DET1: variants seen among roughly 807,000 people sequenced by gnomAD.
DET1 encodes the protein DET1 homolog.
In DET1, 22 loss-of-function variants were observed where a neutral mutation model predicts 43.7. That is an observed-to-expected ratio of 0.50 (90% CI 0.36 to 0.72). The LOEUF is 0.72. Ranked by LOEUF, DET1 falls within the 30% of genes least tolerant of loss-of-function variation. DET1 has a pLI of 0.00. For synonymous variants in DET1, 315 were observed against 266.2 expected (o/e 1.18, Z -1.79); for missense variants, 713 against 713.3 (o/e 1.00, Z 0.00).
downstream of DET1, among the ~76,000 whole-genome samples, chr15:88,509,309 C>A (rs1441226339): frequency 2.6e-5 from 4 of 152,190 alleles, no homozygotes; most frequent in Non-Finnish European, 5.9e-5. Flanking sequence ...AGCCACCAAG[C>A]CTGGCCTACT....
Position 88,531,607 on chromosome 15 carries a change from AC to A in DET1, c.98del (p.Gly33ValfsTer82). On this transcript the variant is annotated frameshift_variant, in exon 2 of 5. Transcript: ENST00000268148. LOFTEE classifies it high-confidence loss of function. This position sits in a 1 kb window ranked among gnomAD's most constrained non-coding sequence, Gnocchi z 6.2. Reference sequence around the variant, plus strand: ...ACACTCGGACTTGGTGCCAGTGGGTACCTGCCTTGCCTGAACTGATCCGCCG... The same window carrying A: ...ACACTCGGACTTGGTGCCAGTGGGTACTGCCTTGCCTGAACTGATCCGCCG... ...ERRRISSGKA[G>X]THWHQVRVFH... The A allele has an allele frequency of 6.2e-7, 1 of 1,613,996 alleles. No homozygotes were observed. The highest frequency in any genetic ancestry group is 8.5e-7 in the Non-Finnish European group (1 of 1,179,876).
chr15:88,543,788 T>C (rs570588819), intron 1 of DET1, among the ~76,000 whole-genome samples: 1 of 152,176 alleles, frequency 6.6e-6, no homozygotes, highest in Non-Finnish European at 1.5e-5. Flanking sequence ...CATGGAGCCA[T>C]CTACCAGAAG....
intron 2 of DET1, among the ~76,000 whole-genome samples, chr15:88,530,007 G>A (rs182575404): frequency 9.2e-5 from 14 of 152,224 alleles, no homozygotes; most frequent in Admixed American, 4.6e-4. Flanking sequence ...CTCTCCTCAC[G>A]GATCATAAAT....
At chr15:88,541,587 G>C (rs2057107497) in intron 1 of DET1, among the ~76,000 whole-genome samples, 1 of 152,216 alleles carries the variant, frequency 6.6e-6, no homozygotes, top group Non-Finnish European at 1.5e-5. Context: ...CTGTGAAGTA[G>C]AATGGCCAAG....
At chr15:88,542,102 T>G (rs181998962) in intron 1 of DET1, among the ~76,000 whole-genome samples, 1 of 152,296 alleles carries the variant, frequency 6.6e-6, no homozygotes, top group African/African-American at 2.4e-5. Context: ...ACCTCACTGA[T>G]GGAGTCCATG....
At chr15:88,542,905 T>G (rs987871949) in intron 1 of DET1, among the ~76,000 whole-genome samples, 1 of 152,048 alleles carries the variant, frequency 6.6e-6, no homozygotes, top group South Asian at 2.1e-4. Context: ...ACAAGAAAAG[T>G]CAGAAAACAA....
At chr15:88,502,637 A>C (rs954747446) in intron 8 of DET1, 4 of 152,248 alleles carry the variant, frequency 2.6e-5, no homozygotes, top group African/African-American at 7.2e-5. Context: ...TCCCTGCAGG[A>C]GGTGAAACTT....
chr15:88,536,796 A>G (rs2056964424), intron 1 of DET1, among the ~76,000 whole-genome samples: 1 of 151,584 alleles, frequency 6.6e-6, no homozygotes, highest in African/African-American at 2.4e-5. Context: ...AAAAGGAACA[A>G]ACTAGATAAA....
At position 88,533,119 on chromosome 15, in the gene DET1, T is replaced by C. The variant is rs1051252423; in HGVS notation, c.-10-1404A>G. Among the ~76,000 whole-genome samples the C allele has an allele frequency of 3.3e-5, 5 of 152,312 alleles. No individual in the cohort carries two copies. In the East Asian group the frequency reaches 7.7e-4, roughly 23 times the overall value. Reference sequence around the variant, plus strand: ...AAAAATCATATACCCAATTTTAAAATGGTCAAAGTACTGGAACAGACATTT... The same window carrying C: ...AAAAATCATATACCCAATTTTAAAACGGTCAAAGTACTGGAACAGACATTT... On this transcript the variant is annotated intron_variant, in intron 1 of 4. Coordinates refer to ENST00000268148, the MANE Select transcript of DET1 (RefSeq NM_001144074.3).
At chr15:88,519,356 A>G (rs534179734) in intron 3 of DET1, among the ~76,000 whole-genome samples, 1 of 152,212 alleles carries the variant, frequency 6.6e-6, no homozygotes, top group Admixed American at 6.5e-5. Context: ...TCTTTACAGC[A>G]CCATAGCCTC....
chr15:88,508,804 G>A (rs547730301), downstream of DET1, among the ~76,000 whole-genome samples: 1 of 152,324 alleles, frequency 6.6e-6, no homozygotes, highest in South Asian at 2.1e-4. Flanking sequence ...ATGAAGGGTA[G>A]CAGAGAAATG....
intron 1 of DET1, chr15:88,532,013 C>T (rs1360239069): frequency 7.3e-6 from 2 of 273,520 alleles, no homozygotes; most frequent in South Asian, 6.9e-5. Flanking sequence ...CAGTATAAGA[C>T]ACATTCGGCT....
chr15:88,527,522 T>C, intron 3 of DET1, 77 bp downstream of exon 3: 8 of 1,361,800 alleles, frequency 5.9e-6, no homozygotes, highest in Non-Finnish European at 7.9e-6. Flanking sequence ...AATAAGAGGT[T>C]TCCTAGAGAC....
intron 3 of DET1, among the ~76,000 whole-genome samples, chr15:88,523,461 C>T (rs2056559950): frequency 2.0e-5 from 3 of 152,148 alleles, no homozygotes; most frequent in Admixed American, 2.0e-4. Flanking sequence ...CCCTCTTCTC[C>T]CCTTTACACA....
Position 88,528,893 on chromosome 15 carries a change from T to C in DET1, c.1084-1107A>G, listed in dbSNP as rs987904143. On this transcript the variant is annotated intron_variant, in intron 2 of 4. Coordinates refer to ENST00000268148, the MANE Select transcript of DET1 (RefSeq NM_001144074.3). ...AAATTTGGCTGTAAATTAAAGAGGC[T>C]AGAGGGTAACCTGAGAATAGTACTC... Among the ~76,000 whole-genome samples, 6 of 152,364 alleles carry C rather than the reference T, an allele frequency of 3.9e-5. No homozygotes were observed. In the East Asian group the frequency reaches 1.2e-3, roughly 29 times the overall value.
At chr15:88,521,074 G>A (rs1198225370) in intron 3 of DET1, among the ~76,000 whole-genome samples, 1 of 152,154 alleles carries the variant, frequency 6.6e-6, no homozygotes, top group Non-Finnish European at 1.5e-5. Flanking sequence ...ATGGCCTTAT[G>A]TATCTGCCTA....
At chr15:88,528,839 T>G (rs1387270060) in intron 2 of DET1, among the ~76,000 whole-genome samples, 4 of 152,220 alleles carry the variant, frequency 2.6e-5, no homozygotes, top group Non-Finnish European at 5.9e-5. Flanking sequence ...GAGCTTATAT[T>G]ACATGGCTTT....
chr15:88,523,520 G>A (rs577703204), intron 3 of DET1, among the ~76,000 whole-genome samples: 1 of 152,144 alleles, frequency 6.6e-6, no homozygotes, highest in Non-Finnish European at 1.5e-5. Context: ...CCGCCATCTC[G>A]GCTCACTGCA....
intron 8 of DET1, chr15:88,502,371 A>C (rs947442629): frequency 6.6e-6 from 1 of 152,180 alleles, no homozygotes; most frequent in African/African-American, 2.4e-5. Flanking sequence ...ATTAATTAAA[A>C]CTAAGAGACA....
Sources: allele counts gnomAD v4.1 joint callset (sites outside exome capture counted in the v4.1 genomes callset), GRCh38; gene constraint gnomAD v4.1.1; non-coding constraint Gnocchi (gnomAD v3.1); transcripts MANE v1.5; gene names NCBI Gene and HGNC (gene_info 2026-07-23, HGNC 2026-07-21).